MAST4: variants seen among roughly 807,000 people sequenced by gnomAD.
MAST4 encodes the protein microtubule associated serine/threonine kinase family member 4.
MAST4 carries 89 observed loss-of-function variants against 162.7 expected under a neutral mutation model. The ratio of observed to expected loss-of-function variants is 0.55; its 90% CI spans 0.46 to 0.65. The LOEUF is 0.65. MAST4 is among the 30% of genes least tolerant of loss of function. The pLI is 0.00. For synonymous variants in MAST4, 1,479 were observed against 1,361.1 expected (o/e 1.09, Z -1.91); for missense variants, 3,153 against 3,374.0 (o/e 0.93, Z 1.62).
chr5:66,939,713 A>G (rs1420323814), intron 4 of MAST4, among the ~76,000 whole-genome samples: 4 of 152,034 alleles, frequency 2.6e-5, no homozygotes, highest in Non-Finnish European at 4.4e-5. Context: ...ATTTATTTGT[A>G]TACAAGATAC....
intron 1 of MAST4, among the ~76,000 whole-genome samples, chr5:66,743,794 A>T (rs1427606308): frequency 1.3e-5 from 2 of 152,042 alleles, no homozygotes; most frequent in African/African-American, 2.4e-5. Flanking sequence ...GAATTTTAAA[A>T]TTTTTTTCTC....
chr5:67,064,434 C>A (rs1759989912), intron 5 of MAST4, among the ~76,000 whole-genome samples: 1 of 152,180 alleles, frequency 6.6e-6, no homozygotes, highest in Non-Finnish European at 1.5e-5. Flanking sequence ...TCATTTGACT[C>A]TTAGGACCAA....
Position 66,840,034 on chromosome 5 carries a change from CT to C in MAST4, c.642+51249del, listed in dbSNP as rs1041301494. ...TACAAGCTTAATTTTACTAGCTTCA[CT>C]TTTTTTTTGAGCTTTGGCCTAGTAG... is the stretch of plus-strand genomic sequence containing the variant. On this transcript the variant is annotated intron_variant, in intron 3 of 28. Coordinates refer to ENST00000403625, the MANE Select transcript of MAST4 (RefSeq NM_001164664.2). Among the ~76,000 whole-genome samples, 6 of 150,794 alleles carry C rather than the reference CT, an allele frequency of 4.0e-5. No homozygotes were observed. In the East Asian group the frequency reaches 5.8e-4, roughly 15 times the overall value.
At chr5:66,629,255 A>C (rs1344167409) in intron 1 of MAST4, among the ~76,000 whole-genome samples, 2 of 152,216 alleles carry the variant, frequency 1.3e-5, no homozygotes, top group African/African-American at 4.8e-5. Flanking sequence ...CCTTGCCCCC[A>C]GATTCCTGAA....
At chr5:67,143,439 A>C (rs960133872) in intron 21 of MAST4, among the ~76,000 whole-genome samples, 1 of 152,184 alleles carries the variant, frequency 6.6e-6, no homozygotes. Context: ...CAAAACAAAG[A>C]AAACTGATAG....
chr5:66,910,999 G>T (rs1763721160), intron 4 of MAST4, among the ~76,000 whole-genome samples: 1 of 152,124 alleles, frequency 6.6e-6, no homozygotes, highest in Non-Finnish European at 1.5e-5. Flanking sequence ...GCCCACATTG[G>T]CCTCCCAAAG....
intron 14 of MAST4, among the ~76,000 whole-genome samples, chr5:67,123,139 C>T (rs1191833978): frequency 6.6e-6 from 1 of 152,160 alleles, no homozygotes; most frequent in Non-Finnish European, 1.5e-5. Flanking sequence ...TGAACTGGCC[C>T]TTCTAGAAGC....
In MAST4 at chr5:67,118,692, T is replaced by G; in HGVS notation, c.1602T>G (p.His534Gln). ...LNKDPLEEMA[H>Q]LGNYDSGTAE... ...TTTTTTCCAACTTAGAAATGGCTCA[T>G]TTGGGAAACTACGATAGTGGGACAG... The change falls in exon 13 of 29, where the codon CAT becomes CAG. Residue 534 changes from histidine to glutamine, a missense_variant. Coordinates refer to ENST00000403625, the MANE Select transcript of MAST4 (RefSeq NM_001164664.2). 6.4e-7 allele frequency: 1 copy of G among 1,569,552 alleles called. No individual in the cohort carries two copies.
At chr5:66,972,258 A>G (rs572077617) in intron 4 of MAST4, among the ~76,000 whole-genome samples, 1 of 152,336 alleles carries the variant, frequency 6.6e-6, no homozygotes, top group East Asian at 1.9e-4. Flanking sequence ...GGAGAGCTGT[A>G]CTAATAGTCT....
At chr5:67,071,148 C>A (rs1760931024) in intron 5 of MAST4, among the ~76,000 whole-genome samples, 1 of 151,872 alleles carries the variant, frequency 6.6e-6, no homozygotes, top group Admixed American at 6.6e-5. Flanking sequence ...AAAATCGGTA[C>A]AAATAGTGGA....
At chr5:66,986,623 T>A in intron 4 of MAST4, 1 of 258,180 alleles carries the variant, frequency 3.9e-6, no homozygotes, top group East Asian at 1.3e-4. Flanking sequence ...TATATATTTA[T>A]TTATTTATTT....
intron 1 of MAST4, among the ~76,000 whole-genome samples, chr5:66,748,226 C>G (rs904566725): frequency 6.6e-6 from 1 of 151,982 alleles, no homozygotes; most frequent in Non-Finnish European, 1.5e-5. Context: ...GTTCCTTGCC[C>G]TTTTGCCAAC....
At chr5:66,759,200 A>G (rs919727702) in intron 1 of MAST4, among the ~76,000 whole-genome samples, 1 of 152,226 alleles carries the variant, frequency 6.6e-6, no homozygotes, top group African/African-American at 2.4e-5. Context: ...TTTGTGAGCA[A>G]TATGTGAATT....
At chr5:66,788,607 C>CCAACCAAAAAAAAAAAAA in intron 2 of MAST4, 63 bp from the exon 3 acceptor site, 19 of 1,373,696 alleles carry the variant, frequency 1.4e-5, no homozygotes, top group Non-Finnish European at 1.6e-5. Context: ...CCCCCACCCC[C>CCAACCAAAAAAAAAAAAA]ATTGCAATAA....
At chr5:66,598,018 C>A (rs1742312115) in intron 1 of MAST4, among the ~76,000 whole-genome samples, 1 of 152,180 alleles carries the variant, frequency 6.6e-6, no homozygotes, top group African/African-American at 2.4e-5. Flanking sequence ...TTCCTGAGTG[C>A]CAGTGTTGTA....
At chr5:66,875,195 T>C (rs1438821553) in intron 3 of MAST4, among the ~76,000 whole-genome samples, 2 of 152,202 alleles carry the variant, frequency 1.3e-5, no homozygotes, top group Non-Finnish European at 2.9e-5. Context: ...CTAGTTACTA[T>C]ATTTAAGGAC....
At chr5:66,994,838 C>A (rs1000826699) in intron 4 of MAST4, among the ~76,000 whole-genome samples, 1 of 152,064 alleles carries the variant, frequency 6.6e-6, no homozygotes, top group Admixed American at 6.6e-5. Context: ...ATATTCATGT[C>A]TAGATAATGT....
At chr5:66,751,308 C>T (rs566712795) in intron 1 of MAST4, among the ~76,000 whole-genome samples, 1,532 of 152,232 alleles carry the variant, frequency 0.01, 11 homozygotes, top group South Asian at 0.048. Flanking sequence ...ATGACTTTGA[C>T]GAGCTGAGAG....
chr5:66,675,993 C>T (rs1443409355), intron 1 of MAST4, among the ~76,000 whole-genome samples: 2 of 152,156 alleles, frequency 1.3e-5, no homozygotes, highest in Non-Finnish European at 2.9e-5. Flanking sequence ...CACGTGTGTC[C>T]ATCACAAGGT....
Sources: gnomAD v4.1 joint callset for allele counts (sites outside exome capture counted in the v4.1 genomes callset) on GRCh38, gnomAD v4.1.1 for gene constraint, MANE v1.5 for transcripts, NCBI Gene and HGNC (gene_info 2026-07-23, HGNC 2026-07-21) for gene names.